Variants in CTCF observed in about 807,000 individuals in gnomAD.
CTCF encodes the protein CCCTC-binding factor.
CTCF carries 7 observed loss-of-function variants against 72.3 expected under a neutral mutation model. That is an observed-to-expected ratio of 0.10 (90% CI 0.06 to 0.18). CTCF has a LOEUF of 0.18. Ranked by LOEUF, CTCF falls within the 10% of genes least tolerant of loss-of-function variation. The pLI is 1.00. For missense variants in CTCF, 516 were observed against 949.1 expected (o/e 0.54, Z 6.00); for synonymous variants, 374 against 315.8 (o/e 1.18, Z -1.95).
At chr16:67,608,433 C>CA (rs1597710984) in intron 2 of CTCF, among the ~76,000 whole-genome samples, 1 of 152,036 alleles carries the variant, frequency 6.6e-6, no homozygotes, top group African/African-American at 2.4e-5. Context: ...GATGGTATGA[C>CA]ATGGGCAGTT....
At chr16:67,621,623 A>T in intron 7 of CTCF, 32 bp downstream of exon 7, 1 of 1,522,626 alleles carries the variant, frequency 6.6e-7, no homozygotes, top group South Asian at 1.2e-5. Flanking sequence ...AAGTGAAAAA[A>T]ATATTTTGAA....
intron 1 of CTCF, among the ~76,000 whole-genome samples, chr16:67,565,951 A>G (rs1397761299): frequency 6.6e-6 from 1 of 152,192 alleles, no homozygotes; most frequent in East Asian, 1.9e-4. Context: ...CCTGGCCAAA[A>G]GTCACCTCTA....
intron 10 of CTCF, among the ~76,000 whole-genome samples, chr16:67,634,782 C>T (rs1322258099): frequency 6.6e-6 from 1 of 151,584 alleles, no homozygotes; most frequent in Non-Finnish European, 1.5e-5. Flanking sequence ...CAGCTCACTG[C>T]AACCTCCACC....
chr16:67,608,051 G>A (rs940559237), intron 2 of CTCF, among the ~76,000 whole-genome samples: 3 of 144,518 alleles, frequency 2.1e-5, no homozygotes, highest in Non-Finnish European at 3.0e-5. Flanking sequence ...CCGGTTGGGC[G>A]CAGTGGCTCA....
At chr16:67,597,671 A>G (rs1439570669) in intron 2 of CTCF, among the ~76,000 whole-genome samples, 3 of 152,200 alleles carry the variant, frequency 2.0e-5, no homozygotes, top group Admixed American at 2.0e-4. Context: ...CAACAGATAC[A>G]TTCCAAATGG....
intron 4 of CTCF, 76 bp downstream of exon 4, chr16:67,612,197 C>T (rs1054630329): frequency 1.5e-6 from 2 of 1,373,728 alleles, no homozygotes; most frequent in Middle Eastern, 1.9e-4. Context: ...CAAGCTGACT[C>T]CAGCGGGAAT....
At chr16:67,607,618 A>G (rs991464182) in intron 2 of CTCF, among the ~76,000 whole-genome samples, 3 of 152,054 alleles carry the variant, frequency 2.0e-5, no homozygotes, top group Admixed American at 6.6e-5. Context: ...TTCACAAGAT[A>G]TAAGAGCCAA....
In CTCF at chr16:67,578,350, T is replaced by G. The variant is rs949317102; in HGVS notation, c.-10+7086T>G. On this transcript the variant is annotated intron_variant, in intron 2 of 11. Coordinates refer to ENST00000264010, the MANE Select transcript of CTCF (RefSeq NM_006565.4). ...CTTTTTTTTTTTTTTTTTTTTTTTT[T>G]GAGACAGGGTTTTCACTCTGTTGCC... Among the ~76,000 whole-genome samples the G allele has an allele frequency of 2.0e-4, 27 of 135,668 alleles. No individual in the cohort carries two copies. In the East Asian group the frequency reaches 5.4e-3, roughly 27 times the overall value. 89.0% of individuals were successfully genotyped at this position (135,668 alleles called of 152,430 possible).
intron 1 of CTCF, among the ~76,000 whole-genome samples, chr16:67,567,405 G>C (rs1190538732): frequency 1.3e-5 from 2 of 152,118 alleles, no homozygotes; most frequent in Non-Finnish European, 2.9e-5. Flanking sequence ...CTCCAGTATG[G>C]AAGTGTTGGT....
chr16:67,636,572 T>TAA, intron 10 of CTCF, 118 bp from the exon 11 acceptor site: 1 of 267,854 alleles, frequency 3.7e-6, no homozygotes, highest in Non-Finnish European at 6.2e-6. Context: ...AGAAAGTGTA[T>TAA]ATATATATAT....
intron 2 of CTCF, among the ~76,000 whole-genome samples, chr16:67,604,140 A>C (rs1339533104): frequency 2.0e-5 from 3 of 151,426 alleles, no homozygotes; most frequent in East Asian, 3.9e-4. Context: ...AAAAAAAAAA[A>C]AAAAAGAAAA....
chr16:67,631,170 T>TGAGACAGTG (rs2052359459), intron 10 of CTCF, among the ~76,000 whole-genome samples: 1 of 142,144 alleles, frequency 7.0e-6, no homozygotes, highest in African/African-American at 2.6e-5. Context: ...TTTTTGTTTT[T>TGAGACAGTG]TGTTTTTTTT....
At chr16:67,579,069 A>C (rs909729785) in intron 2 of CTCF, among the ~76,000 whole-genome samples, 12 of 151,982 alleles carry the variant, frequency 7.9e-5, no homozygotes, top group African/African-American at 2.9e-4. Flanking sequence ...AGCCTGACCA[A>C]CATGGTGAAA....
chr16:67,579,354 T>G (rs911232321), intron 2 of CTCF, among the ~76,000 whole-genome samples: 1 of 152,026 alleles, frequency 6.6e-6, no homozygotes, highest in Admixed American at 6.6e-5. Context: ...TCTTTGTTTT[T>G]TTTTGTTTTT....
At chr16:67,620,892 T>A in intron 6 of CTCF, 75 bp downstream of exon 6, 1 of 1,255,300 alleles carries the variant, frequency 8.0e-7, no homozygotes, top group Non-Finnish European at 1.1e-6. Flanking sequence ...TGGACCACTG[T>A]GTGTCCCCAT....
chr16:67,584,404 G>A (rs555110277), intron 2 of CTCF, among the ~76,000 whole-genome samples: 1 of 139,258 alleles, frequency 7.2e-6, no homozygotes, highest in South Asian at 2.4e-4. Flanking sequence ...GCAGTGGCAC[G>A]ATCTCGGCTC....
chr16:67,629,353 T>G (rs1175774027), intron 9 of CTCF, 45 bp from the exon 10 acceptor site: 1 of 1,558,080 alleles, frequency 6.4e-7, no homozygotes, highest in Non-Finnish European at 8.7e-7. Flanking sequence ...AATCTGATCT[T>G]AGCTTTTTTA....
chr16:67,564,355 A>C (rs967157093), intron 1 of CTCF, among the ~76,000 whole-genome samples: 1 of 152,224 alleles, frequency 6.6e-6, no homozygotes. Flanking sequence ...AGCTATGTTA[A>C]GTTTATGAAG....
chr16:67,564,678 ATTTAT>A (rs2051319908), intron 1 of CTCF, among the ~76,000 whole-genome samples: 1 of 152,194 alleles, frequency 6.6e-6, no homozygotes, highest in Non-Finnish European at 1.5e-5. Context: ...AGCATGTTTT[ATTTAT>A]TTAAATAAGC....
Sources: allele counts gnomAD v4.1 joint callset (sites outside exome capture counted in the v4.1 genomes callset), GRCh38; gene constraint gnomAD v4.1.1; transcripts MANE v1.5; gene names NCBI Gene and HGNC (gene_info 2026-07-23, HGNC 2026-07-21).